Variants in EIF4G3 observed in about 807,000 individuals in gnomAD.
The protein encoded by EIF4G3 is eukaryotic translation initiation factor 4 gamma 3.
EIF4G3 carries 34 observed loss-of-function variants against 186.4 expected under a neutral mutation model. The ratio of observed to expected loss-of-function variants is 0.18; its 90% CI spans 0.14 to 0.24. The LOEUF is 0.24. Ranked by LOEUF, EIF4G3 falls within the 10% of genes least tolerant of loss-of-function variation. The pLI is 1.00. For missense variants in EIF4G3, 1,536 were observed against 1,948.5 expected, an observed-to-expected ratio of 0.79 and a Z score of 3.99; for synonymous variants, 673 against 679.5, an observed-to-expected ratio of 0.99 and a Z score of 0.15.
chr1:21,091,927 G>A (rs557967143), intron 2 of EIF4G3, among the ~76,000 whole-genome samples: 11 of 152,254 alleles, frequency 7.2e-5, no homozygotes, highest in East Asian at 3.9e-4. Flanking sequence ...ATACAATCAC[G>A]TCATCTGCAA....
chr1:21,118,883 T>C (rs2096876988), intron 2 of EIF4G3, among the ~76,000 whole-genome samples: 1 of 120,988 alleles, frequency 8.3e-6, no homozygotes, highest in Non-Finnish European at 1.6e-5. Context: ...TACCTGTGAA[T>C]AGCCACTACA....
intron 3 of EIF4G3, among the ~76,000 whole-genome samples, chr1:21,078,029 G>T (rs1422194928): frequency 1.3e-5 from 2 of 152,114 alleles, no homozygotes; most frequent in African/African-American, 4.8e-5. Flanking sequence ...TCTACCATAT[G>T]ATCCAGCAAT....
At chr1:20,896,856 T>G (rs1319912951) in intron 16 of EIF4G3, among the ~76,000 whole-genome samples, 1 of 152,238 alleles carries the variant, frequency 6.6e-6, no homozygotes, top group Non-Finnish European at 1.5e-5. Context: ...ATGTTACAAC[T>G]GCCTACTATT....
chr1:20,948,086 A>G (rs2096048864), intron 13 of EIF4G3, among the ~76,000 whole-genome samples: 1 of 152,220 alleles, frequency 6.6e-6, no homozygotes, highest in Non-Finnish European at 1.5e-5. Context: ...CAGAAGATAT[A>G]TTTTAAGGCC....
At chr1:21,140,149 A>G (rs1195435771) in intron 2 of EIF4G3, among the ~76,000 whole-genome samples, 2 of 152,310 alleles carry the variant, frequency 1.3e-5, no homozygotes, top group East Asian at 3.9e-4. Flanking sequence ...TCTCAGGAAA[A>G]TACAGTATTC....
intron 2 of EIF4G3, among the ~76,000 whole-genome samples, chr1:21,130,216 C>CTTTTTTT (rs71014159): frequency 6.6e-5 from 5 of 75,348 alleles, no homozygotes; most frequent in Admixed American, 1.9e-4. Context: ...GACCCCATCT[C>CTTTTTTT]TTTTTTTTTT....
At chr1:20,916,787 A>C (rs1257055681) in intron 14 of EIF4G3, among the ~76,000 whole-genome samples, 2 of 152,202 alleles carry the variant, frequency 1.3e-5, no homozygotes, top group African/African-American at 4.8e-5. Flanking sequence ...AAAAATAGAG[A>C]ATCCATTCAA....
chr1:21,077,794 C>G (rs532693533), intron 3 of EIF4G3, among the ~76,000 whole-genome samples: 4 of 151,102 alleles, frequency 2.6e-5, no homozygotes, highest in African/African-American at 9.7e-5. Context: ...GCAGGAGAAT[C>G]GCTTGAACCC....
chr1:21,156,516 A>G (rs1247549015), intron 2 of EIF4G3, among the ~76,000 whole-genome samples: 2 of 152,174 alleles, frequency 1.3e-5, no homozygotes, highest in Non-Finnish European at 2.9e-5. Flanking sequence ...CACTCATTTC[A>G]AATCCAACAT....
intron 4 of EIF4G3, among the ~76,000 whole-genome samples, chr1:21,019,345 G>C (rs1172806810): frequency 2.0e-5 from 3 of 152,118 alleles, no homozygotes; most frequent in Admixed American, 6.5e-5. Flanking sequence ...CTTGTTTCTT[G>C]TTGAATTGTA....
At chr1:20,954,429 G>A (rs948902935) in intron 12 of EIF4G3, among the ~76,000 whole-genome samples, 7 of 151,166 alleles carry the variant, frequency 4.6e-5, no homozygotes, top group Non-Finnish European at 8.8e-5. Flanking sequence ...TCAGCTACTC[G>A]GGAGGCTGAG....
At chr1:21,033,558 C>A (rs1054764091) in intron 4 of EIF4G3, among the ~76,000 whole-genome samples, 1 of 152,074 alleles carries the variant, frequency 6.6e-6, no homozygotes, top group African/African-American at 2.4e-5. Flanking sequence ...TTCTATTGAA[C>A]AAATGGCAGG....
chr1:20,866,887 T>C (rs1253076156), intron 20 of EIF4G3, among the ~76,000 whole-genome samples: 3 of 152,222 alleles, frequency 2.0e-5, no homozygotes, highest in African/African-American at 4.8e-5. Flanking sequence ...ATCATCTGTA[T>C]TGACATTAAG....
intron 20 of EIF4G3, among the ~76,000 whole-genome samples, chr1:20,870,639 A>G (rs775588112): frequency 3.3e-5 from 5 of 152,228 alleles, no homozygotes; most frequent in African/African-American, 4.8e-5. Flanking sequence ...AAAGCACAGC[A>G]ATTTAAAGTT....
In EIF4G3 at chr1:20,834,191, G is replaced by C. The variant is rs546586623; in HGVS notation, c.4062-4919C>G. 3.9e-5 allele frequency among the ~76,000 whole-genome samples: 6 copies of C among 152,292 alleles called. No individual in the cohort carries two copies. The South Asian group carries it at 1.0e-3, about 26-fold the overall frequency. On this transcript the variant is annotated intron_variant, in intron 30 of 36. Transcript: ENST00000602326. ...CGGCCAGGCGCAATGGCTCATGCCT[G>C]TAATCCCAACACTTGAAGAGGTCAA...
At chr1:20,828,988 G>GT in intron 31 of EIF4G3, among the ~76,000 whole-genome samples, 159 bp downstream of exon 31, 1 of 152,212 alleles carries the variant, frequency 6.6e-6, no homozygotes, top group South Asian at 2.1e-4. Flanking sequence ...CTAGCATAAG[G>GT]TAACATTTTT....
intron 29 of EIF4G3, among the ~76,000 whole-genome samples, chr1:20,842,297 G>A (rs1169336015): frequency 3.3e-5 from 5 of 152,064 alleles, no homozygotes; most frequent in Non-Finnish European, 5.9e-5. Flanking sequence ...ATCTAAAATC[G>A]TCCTTTCTCT....
At position 20,827,709 on chromosome 1, in the gene EIF4G3, T is replaced by C. The variant is rs376746220; in HGVS notation, c.4188-11A>G. The C allele has an allele frequency of 2.3e-5, 36 of 1,577,890 alleles. No individual in the cohort carries two copies. The highest frequency in any genetic ancestry group is 5.4e-5 in the African/African-American group (4 of 74,144). The stretch of plus-strand genomic sequence containing the variant: ...GGTTTGCTAAATTCTCTGTAAAAGA[T>C]AGGAGCAGTGATTAAGTATCTCTAA... On this transcript the variant is annotated splice_polypyrimidine_tract_variant and intron_variant, in intron 31 of 36. Coordinates refer to ENST00000602326, the MANE Select transcript of EIF4G3 (RefSeq NM_001391906.1).
In EIF4G3 at chr1:21,002,783, G is replaced by A; in HGVS notation, c.-41C>T. 1 of 1,611,774 alleles carries A rather than the reference G, an allele frequency of 6.2e-7. No homozygotes were observed. The highest frequency in any genetic ancestry group is 8.5e-7 in the Non-Finnish European group (1 of 1,178,086). On this transcript the variant is annotated 5_prime_UTR_variant, in exon 5 of 37. It introduces an in-frame stop codon into an upstream open reading frame of the 5' UTR. Transcript: ENST00000602326. ...AGGGTATACCAGCGTGGTTGGACCTGCATTCTGTCCAGAGGGATAAGGGGT... is the reference window on the plus strand; with the variant it reads ...AGGGTATACCAGCGTGGTTGGACCTACATTCTGTCCAGAGGGATAAGGGGT...
Sources: allele counts gnomAD v4.1 joint callset (sites outside exome capture counted in the v4.1 genomes callset), GRCh38; gene constraint gnomAD v4.1.1; transcripts MANE v1.5; gene names NCBI Gene and HGNC (gene_info 2026-07-23, HGNC 2026-07-21).